EYS: variants seen among roughly 807,000 people sequenced by gnomAD.
EYS encodes the protein protein eyes shut homolog.
EYS carries 250 observed loss-of-function variants against 282.1 expected under a neutral mutation model. The ratio of observed to expected loss-of-function variants is 0.89; its 90% CI spans 0.80 to 0.98. EYS has a LOEUF of 0.98. Among genes scored for constraint, EYS ranks in the 50% least tolerant of loss-of-function variants. The pLI, the probability that EYS is intolerant of heterozygous loss-of-function variation, is 0.00. For synonymous variants in EYS, 1,355 were observed against 1,282.9 expected, an observed-to-expected ratio of 1.06 and a Z score of -1.20; for missense variants, 4,016 against 3,709.0, an observed-to-expected ratio of 1.08 and a Z score of -2.15.
At chr6:64,702,661 A>T (rs543923338) in intron 22 of EYS, among the ~76,000 whole-genome samples, 2 of 152,182 alleles carry the variant, frequency 1.3e-5, no homozygotes, top group South Asian at 4.1e-4. Context: ...TCAAGTTTAT[A>T]CTATCAAGTG....
intron 13 of EYS, among the ~76,000 whole-genome samples, chr6:65,041,169 T>C (rs925640769): frequency 2.0e-5 from 3 of 151,610 alleles, no homozygotes; most frequent in African/African-American, 4.8e-5. Flanking sequence ...CTACAACAGA[T>C]AAACATTCTT....
At chr6:64,643,878 C>T (rs1181669182) in intron 22 of EYS, among the ~76,000 whole-genome samples, 2 of 152,208 alleles carry the variant, frequency 1.3e-5, no homozygotes, top group South Asian at 2.1e-4. Flanking sequence ...TCCATTAAAC[C>T]TCTTTCTTTT....
At chr6:65,376,930 C>T (rs188415160) in intron 8 of EYS, among the ~76,000 whole-genome samples, 25 of 152,236 alleles carry the variant, frequency 1.6e-4, no homozygotes, top group African/African-American at 6.0e-4. Flanking sequence ...TAGTGGGAGA[C>T]TTTAACACTC....
intron 31 of EYS, among the ~76,000 whole-genome samples, chr6:64,157,720 GA>G: frequency 6.6e-6 from 1 of 152,222 alleles, no homozygotes. Context: ...CGAATGCACA[GA>G]AATCAAGAAT....
intron 28 of EYS, among the ~76,000 whole-genome samples, chr6:64,391,586 G>A (rs370928723): frequency 3.3e-5 from 5 of 152,036 alleles, no homozygotes; most frequent in South Asian, 4.2e-4. Context: ...GAGAGATTTT[G>A]TCACCACCAG....
intron 15 of EYS, among the ~76,000 whole-genome samples, chr6:64,940,256 T>C (rs180698797): frequency 6.6e-6 from 1 of 152,200 alleles, no homozygotes; most frequent in African/African-American, 2.4e-5. Context: ...CAATGAGTTA[T>C]AAACCCAACT....
chr6:63,783,869 T>G (rs1369092447), intron 39 of EYS, among the ~76,000 whole-genome samples: 2 of 151,886 alleles, frequency 1.3e-5, no homozygotes, highest in African/African-American at 2.4e-5. Flanking sequence ...AGATACTTGG[T>G]CAAATATTGT....
At chr6:64,553,545 ACCC>A (rs10541994) in intron 26 of EYS, among the ~76,000 whole-genome samples, 2,171 of 46,498 alleles carry the variant, frequency 0.047, 252 homozygotes, top group African/African-American at 0.12. Context: ...CTTTTGTTTG[ACCC>A]CCCCCCCCCC....
chr6:64,630,965 A>G (rs553118048), intron 22 of EYS, among the ~76,000 whole-genome samples: 2 of 152,318 alleles, frequency 1.3e-5, no homozygotes, highest in South Asian at 4.1e-4. Flanking sequence ...CTTTATAAGC[A>G]TTTTAATAGA....
intron 36 of EYS, among the ~76,000 whole-genome samples, chr6:63,816,180 G>T (rs1307633955): frequency 3.3e-5 from 5 of 151,964 alleles, no homozygotes; most frequent in Admixed American, 3.3e-4. Flanking sequence ...GATTCACAAG[G>T]TATAACATAT....
intron 24 of EYS, among the ~76,000 whole-genome samples, chr6:64,612,759 C>T (rs1263779314): frequency 1.3e-5 from 2 of 152,052 alleles, no homozygotes; most frequent in African/African-American, 4.8e-5. Context: ...CATCATTAAA[C>T]AAGAATAACT....
intron 22 of EYS, among the ~76,000 whole-genome samples, chr6:64,764,444 C>T (rs777010770): frequency 3.3e-5 from 5 of 152,226 alleles, no homozygotes; most frequent in African/African-American, 4.8e-5. Context: ...AGCTGTGCTG[C>T]AGGGTGCCAT....
rs995946926 is a variant in EYS, at chr6:65,140,182, T to C, written c.2024-82455A>G. ...ATTAGAAAGTCTCAGCAAAGAAATATAAGATATTAAGAAGAATGAAATGCA... is the reference window on the plus strand; with the variant it reads ...ATTAGAAAGTCTCAGCAAAGAAATACAAGATATTAAGAAGAATGAAATGCA... On this transcript the variant is annotated intron_variant, in intron 12 of 42. Coordinates refer to ENST00000503581, the MANE Select transcript of EYS (RefSeq NM_001142800.2). Among the ~76,000 whole-genome samples the C allele has an allele frequency of 2.0e-4, 31 of 152,068 alleles. No homozygotes were observed. In the East Asian group the frequency reaches 2.7e-3, roughly 13 times the overall value.
chr6:64,911,698 C>T (rs1159513801), intron 16 of EYS, among the ~76,000 whole-genome samples: 2 of 152,084 alleles, frequency 1.3e-5, no homozygotes, highest in Admixed American at 6.6e-5. Flanking sequence ...GCTTATGACA[C>T]ATCTAGTTAT....
intron 24 of EYS, among the ~76,000 whole-genome samples, chr6:64,607,219 C>T (rs1766963877): frequency 6.6e-6 from 1 of 151,426 alleles, no homozygotes; most frequent in African/African-American, 2.4e-5. Context: ...CTAGAATAAG[C>T]TAGCAGGTGT....
chr6:64,879,626 T>C (rs567615426), intron 19 of EYS, among the ~76,000 whole-genome samples: 1 of 151,908 alleles, frequency 6.6e-6, no homozygotes, highest in Non-Finnish European at 1.5e-5. Flanking sequence ...ATATTAACAA[T>C]GTAATAGAGG....
At chr6:64,390,713 G>A (rs549532009) in intron 28 of EYS, among the ~76,000 whole-genome samples, 4,625 of 150,788 alleles carry the variant, frequency 0.031, 224 homozygotes, top group African/African-American at 0.11. Flanking sequence ...AAAAAGCAGA[G>A]CGCCTCTCCT....
intron 33 of EYS, among the ~76,000 whole-genome samples, chr6:64,028,470 A>T (rs1769646550): frequency 6.6e-6 from 1 of 152,170 alleles, no homozygotes; most frequent in African/African-American, 2.4e-5. Flanking sequence ...TGAGGCAGTA[A>T]TTCCTCTATA....
intron 1 of EYS, among the ~76,000 whole-genome samples, chr6:65,651,422 A>G (rs1003206757): frequency 4.6e-5 from 7 of 152,188 alleles, no homozygotes; most frequent in Non-Finnish European, 1.0e-4. Context: ...TATTAATTCA[A>G]TAGTGTTTCT....
Sources: gnomAD v4.1 joint callset for allele counts (sites outside exome capture counted in the v4.1 genomes callset) on GRCh38, gnomAD v4.1.1 for gene constraint, MANE v1.5 for transcripts, NCBI Gene and HGNC (gene_info 2026-07-23, HGNC 2026-07-21) for gene names.